C8orf34: variants seen among roughly 807,000 people sequenced by gnomAD.
C8orf34 encodes the protein uncharacterized protein C8orf34.
Under a neutral mutation model 68.3 loss-of-function variants are expected in C8orf34, and 65 were observed. That is an observed-to-expected ratio of 0.95 (90% CI 0.78 to 1.17). The LOEUF (loss-of-function observed/expected upper bound fraction) is 1.17, where lower values mean the gene tolerates loss of function less well. Ranked by LOEUF, C8orf34 falls within the 50% of genes most tolerant of loss-of-function variation. The pLI is 0.00. For synonymous variants in C8orf34, 244 were observed against 241.2 expected, an observed-to-expected ratio of 1.01 and a Z score of -0.11; for missense variants, 664 against 655.4, an observed-to-expected ratio of 1.01 and a Z score of -0.14.
intron 1 of C8orf34, among the ~76,000 whole-genome samples, chr8:68,368,156 C>T (rs1217884586): frequency 6.6e-6 from 1 of 152,112 alleles, no homozygotes; most frequent in East Asian, 1.9e-4. Flanking sequence ...AGTTTTACCA[C>T]AGATTATCCT....
intron 9 of C8orf34, among the ~76,000 whole-genome samples, chr8:68,718,731 G>C (rs1303008330): frequency 6.6e-6 from 1 of 152,036 alleles, no homozygotes; most frequent in East Asian, 1.9e-4. Flanking sequence ...AAAAATAATG[G>C]CTGAAAAAAG....
intron 8 of C8orf34, among the ~76,000 whole-genome samples, chr8:68,645,075 C>T (rs1819124645): frequency 1.3e-5 from 2 of 152,056 alleles, no homozygotes; most frequent in South Asian, 4.1e-4. Flanking sequence ...CTTTACTTAC[C>T]AATACCTTTC....
chr8:68,467,328 T>C lies in C8orf34; in HGVS notation c.608-1364T>C, dbSNP rs73262726. Among the ~76,000 whole-genome samples, 1,481 of 152,198 alleles carry C rather than the reference T, an allele frequency of 9.7e-3. 26 individuals carry two copies. Among genetic ancestry groups the C allele is most frequent in the African/African-American group, 0.033 (1,351 of 41,554 alleles). On this transcript the variant is annotated intron_variant, in intron 3 of 13. Transcript: ENST00000518698. ...ATTGACAGTTCTCTTGCTTTTCTGT[T>C]TGCTTTGTTTACTATGTACCCATCA...
intron 3 of C8orf34, among the ~76,000 whole-genome samples, chr8:68,457,898 T>G (rs771523282): frequency 5.3e-5 from 8 of 152,166 alleles, no homozygotes; most frequent in Non-Finnish European, 1.0e-4. Context: ...ACCCTTTACT[T>G]TTTAGTGTAG....
chr8:68,795,718 T>C (rs972936393), intron 12 of C8orf34, among the ~76,000 whole-genome samples: 34 of 152,238 alleles, frequency 2.2e-4, no homozygotes, highest in African/African-American at 8.0e-4. Flanking sequence ...TAGAGCCTTA[T>C]GTAGAGCTTT....
intron 12 of C8orf34, among the ~76,000 whole-genome samples, chr8:68,788,661 C>A (rs1403306759): frequency 6.6e-6 from 1 of 152,086 alleles, no homozygotes; most frequent in East Asian, 1.9e-4. Flanking sequence ...GAGATGGAGA[C>A]CATCCAGGCC....
rs1197207223 is a variant in C8orf34 at position 68,536,324 on chromosome 8, A to G, written c.1105+3175A>G. Reference sequence around the variant, plus strand: ...CAGTGAGCTGTGGTCATGCCACTGTAGTCCAGCCTGGGTGACAGAGGGAGA... The same window carrying G: ...CAGTGAGCTGTGGTCATGCCACTGTGGTCCAGCCTGGGTGACAGAGGGAGA... On this transcript the variant is annotated intron_variant, in intron 7 of 13. Transcript: ENST00000518698. Among the ~76,000 whole-genome samples the G allele has an allele frequency of 3.8e-5, 5 of 132,002 alleles. No homozygotes were observed. The East Asian group carries it at 7.8e-4, about 20-fold the overall frequency. The allele number at this position is 132,002 out of a possible 152,430, so 86.6% of individuals were successfully genotyped here. A position where few individuals can be genotyped will look rare whatever the true frequency, so the allele number is the denominator to read the frequency against.
intron 1 of C8orf34, among the ~76,000 whole-genome samples, chr8:68,421,391 T>TAAACA (rs1019179609): frequency 6.6e-6 from 1 of 152,120 alleles, no homozygotes; most frequent in Non-Finnish European, 1.5e-5. Context: ...CAGGTATAGA[T>TAAACA]AAACAAAACA....
intron 8 of C8orf34, among the ~76,000 whole-genome samples, chr8:68,654,190 G>A (rs1247074997): frequency 6.6e-6 from 1 of 152,046 alleles, no homozygotes; most frequent in Non-Finnish European, 1.5e-5. Context: ...ATATACAGAA[G>A]GCACTCTCTA....
At chr8:68,565,700 G>A (rs1286278496) in intron 7 of C8orf34, among the ~76,000 whole-genome samples, 2 of 152,054 alleles carry the variant, frequency 1.3e-5, no homozygotes, top group African/African-American at 2.4e-5. Context: ...GTTGCTTAAG[G>A]TATTACATTA....
chr8:68,439,622 C>A lies in C8orf34; in HGVS notation c.451C>A (p.Leu151Ile). 1 of 1,612,312 alleles carries A rather than the reference C, an allele frequency of 6.2e-7. No individual in the cohort carries two copies. The highest frequency in any genetic ancestry group is 8.5e-7 in the Non-Finnish European group (1 of 1,179,428). Residue 151 changes from leucine to isoleucine, a missense_variant, in exon 2 of 14, where the codon CTA becomes ATA. By Grantham distance (5) the Leu-to-Ile change is conservative (BLOSUM62 2). Coordinates refer to ENST00000518698, the MANE Select transcript of C8orf34 (RefSeq NM_052958.4). The stretch of plus-strand genomic sequence containing the variant: ...AAGAACTTTGTCTGGATCTGCAGCT[C>A]TATGGGCAGAAAGTGAAAAATCAGG... ...LQRTLSGSAA[L>I]WAESEKSESK...
At chr8:68,606,235 T>C (rs1412036703) in intron 7 of C8orf34, among the ~76,000 whole-genome samples, 1 of 152,260 alleles carries the variant, frequency 6.6e-6, no homozygotes, top group African/African-American at 2.4e-5. Flanking sequence ...AATAAGTATT[T>C]GGTAACATGG....
chr8:68,569,853 A>G (rs149909247), intron 7 of C8orf34, among the ~76,000 whole-genome samples: 3 of 152,320 alleles, frequency 2.0e-5, no homozygotes, highest in Admixed American at 2.0e-4. Context: ...TTTAGAAGCC[A>G]CCTCTGTAGA....
chr8:68,331,255 G>A lies in C8orf34; in HGVS notation c.243G>A (p.Arg81=). The part of the protein sequence containing the change: ...QPRVLPALSS[R]SHLFPMASHP... ...GCGTTCTCCCTGCACTCTCTTCGCG[G>A]TCCCATCTGTTCCCCATGGCGTCTC... Residue 81 remains arginine (R), a synonymous_variant, in exon 1 of 14, where the codon CGG becomes CGA. Transcript: ENST00000518698. The A allele has an allele frequency of 6.5e-7, 1 of 1,536,364 alleles. No individual in the cohort carries two copies. The highest frequency in any genetic ancestry group is 1.4e-5 in the African/African-American group (1 of 73,176).
intron 4 of C8orf34, among the ~76,000 whole-genome samples, chr8:68,484,627 G>C (rs896530811): frequency 1.3e-5 from 2 of 152,178 alleles, no homozygotes; most frequent in African/African-American, 2.4e-5. Flanking sequence ...ATGCCTAAAA[G>C]TTGTTAATCT....
chr8:68,623,362 C>T (rs1365182650), intron 7 of C8orf34, among the ~76,000 whole-genome samples: 1 of 152,136 alleles, frequency 6.6e-6, no homozygotes, highest in Non-Finnish European at 1.5e-5. Flanking sequence ...ATAATTCTTA[C>T]TTGTGGGGGG....
intron 5 of C8orf34, among the ~76,000 whole-genome samples, chr8:68,501,028 T>G (rs1376713261): frequency 6.6e-6 from 1 of 152,118 alleles, no homozygotes; most frequent in Non-Finnish European, 1.5e-5. Context: ...AATGTGGATA[T>G]GCCTTCTGCC....
rs149182844 is a variant in C8orf34, at chr8:68,707,055, T to C, written c.1242-1939T>C. Among the ~76,000 whole-genome samples, 547 of 152,274 alleles carry C rather than the reference T, an allele frequency of 3.6e-3. 2 individuals are homozygous for C. The highest frequency in any genetic ancestry group is 6.3e-3 in the Admixed American group (97 of 15,294). On this transcript the variant is annotated intron_variant, in intron 8 of 13. Coordinates refer to ENST00000518698, the MANE Select transcript of C8orf34 (RefSeq NM_052958.4). The stretch of plus-strand genomic sequence containing the variant: ...AAAGCTTTGGGAGTAGGAGTAAAAC[T>C]CTTATGGTAAAAAAACAAAAAGCAA...
chr8:68,689,894 C>T (rs1267970950), intron 8 of C8orf34, among the ~76,000 whole-genome samples: 3 of 151,996 alleles, frequency 2.0e-5, no homozygotes, highest in Non-Finnish European at 4.4e-5. Context: ...AGGTCAAAAG[C>T]CTATCAGGTG....
Sources: allele counts gnomAD v4.1 joint callset (sites outside exome capture counted in the v4.1 genomes callset), GRCh38; gene constraint gnomAD v4.1.1; transcripts MANE v1.5; gene names NCBI Gene and HGNC (gene_info 2026-07-23, HGNC 2026-07-21).